NOP56: variants seen among roughly 807,000 people sequenced by gnomAD.
NOP56 encodes the protein nucleolar protein 56.
Under a neutral mutation model 58.3 loss-of-function variants are expected in NOP56, and 31 were observed. That is an observed-to-expected ratio of 0.53 (90% CI 0.40 to 0.72). The LOEUF is 0.72. Ranked by LOEUF, NOP56 falls within the 30% of genes least tolerant of loss-of-function variation. The probability of loss-of-function intolerance (pLI) is 0.00; values close to 1 mark genes in which losing one functional copy is unlikely to be tolerated. For synonymous variants in NOP56, 313 were observed against 282.8 expected, an observed-to-expected ratio of 1.11 and a Z score of -1.07; for missense variants, 669 against 739.9, an observed-to-expected ratio of 0.90 and a Z score of 1.11.
intron 10 of NOP56, 27 bp downstream of exon 10, chr20:2,656,922 G>A (rs763153628): frequency 1.2e-6 from 2 of 1,614,108 alleles, no homozygotes; most frequent in Non-Finnish European, 1.7e-6. Flanking sequence ...TGGGTGTGGA[G>A]TGGCATAGCT....
intron 8 of NOP56, 165 bp downstream of exon 8, chr20:2,656,199 G>C (rs1455338089): frequency 2.5e-6 from 4 of 1,605,694 alleles, no homozygotes; most frequent in African/African-American, 1.3e-5. Flanking sequence ...GCCCAGCAAA[G>C]GGACCAAGTT....
At chr20:2,654,220 A>C (rs1393508971) in intron 3 of NOP56, 194 bp from the exon 4 acceptor site, 1 of 765,674 alleles carries the variant, frequency 1.3e-6, no homozygotes, top group Admixed American at 1.7e-5. Flanking sequence ...CTTTGCAGTG[A>C]TGACTTGCGA....
rs188054554 is a variant in NOP56 at position 2,656,576 on chromosome 20, G to A, written c.1159+27G>A. On this transcript the variant is annotated intron_variant, in intron 9 of 11. Transcript: ENST00000329276. The stretch of plus-strand genomic sequence containing the variant: ...TATGGGTGGGGGGGCGTTGGCAGGT[G>A]TGAGAAGGGGCTGGGTGGCTGGGTG... 774 of 1,611,870 alleles carry A rather than the reference G, an allele frequency of 4.8e-4. 5 individuals are homozygous for A. The East Asian group carries it at 0.015, about 32-fold the overall frequency.
chr20:2,654,557 A>G lies in NOP56; in HGVS notation c.352A>G (p.Ile118Val). ...LGYNCQTGGV[I>V]AEILRGVRLH... is the part of the protein sequence containing the mutation. ...GTACAACTGCCAGACTGGAGGAGTC[A>G]TAGCTGAGATCCTGCGAGGTGAGAC... The change falls in exon 4 of 12, where the codon ATA (isoleucine) becomes GTA (valine). Residue 118 changes from isoleucine (I) to valine (V), a missense_variant. Ile to Val is a conservative substitution (Grantham distance 29, BLOSUM62 3). Coordinates refer to ENST00000329276, the MANE Select transcript of NOP56 (RefSeq NM_006392.4). The G allele has an allele frequency of 1.9e-6, 3 of 1,614,214 alleles. No individual in the cohort carries two copies. The highest frequency in any genetic ancestry group is 2.5e-6 in the Non-Finnish European group (3 of 1,180,036).
intron 3 of NOP56, 144 bp from the exon 4 acceptor site, chr20:2,654,270 T>A (rs1467687150): frequency 8.1e-6 from 7 of 862,380 alleles, no homozygotes; most frequent in Non-Finnish European, 8.0e-6. Flanking sequence ...CACTGATGTC[T>A]CCATGTCTCT....
At chr20:2,654,359 G>A (rs1340134299) in intron 3 of NOP56, 55 bp from the exon 4 acceptor site, 14 of 1,603,322 alleles carry the variant, frequency 8.7e-6, no homozygotes, top group Non-Finnish European at 1.1e-5. Flanking sequence ...GCTGAGGGAT[G>A]TTAGAGTTGA....
chr20:2,654,052 G>A (rs73576050), intron 3 of NOP56: 4 of 433,754 alleles, frequency 9.2e-6, no homozygotes, highest in Admixed American at 2.5e-5. Flanking sequence ...CTTTCTGTTC[G>A]ATTGGAAAGG....
chr20:2,655,064 G>T (rs1182647195), intron 5 of NOP56, 117 bp downstream of exon 5: 2 of 1,295,042 alleles, frequency 1.5e-6, no homozygotes, highest in African/African-American at 2.9e-5. Flanking sequence ...GGGGCTGGGT[G>T]TAGGCCTCCT....
chr20:2,658,272 A>G lies in NOP56; in HGVS notation c.1763A>G (p.His588Arg), dbSNP rs1568545131. ...AGCTCCAAGAAGAAGAAAAAGTTCC[A>G]TAAAGCATCCCAGGAAGATTAGAAT... is the stretch of plus-strand genomic sequence containing the variant. ...KSSSKKKKKFHKASQED is the reference protein window; with the variant it reads ...KSSSKKKKKFRKASQED Residue 588 changes from histidine (H) to arginine (R), a missense_variant, in exon 12 of 12, where the codon CAT becomes CGT. Transcript: ENST00000329276. The G allele has an allele frequency of 6.3e-7, 1 of 1,595,780 alleles. No homozygotes were observed. Among genetic ancestry groups the G allele is most frequent in the Non-Finnish European group, 8.5e-7 (1 of 1,171,282 alleles).
chr20:2,656,739 T>TA, intron 9 of NOP56, 35 bp from the exon 10 acceptor site: 2 of 1,614,156 alleles, frequency 1.2e-6, no homozygotes, highest in Non-Finnish European at 1.7e-6. Flanking sequence ...TTTCTCTCTT[T>TA]GGGCTGACAG....
At chr20:2,653,793 A>G in intron 3 of NOP56, 1 of 254,290 alleles carries the variant, frequency 3.9e-6, no homozygotes, top group Non-Finnish European at 7.9e-6. Flanking sequence ...CTGGGATTAC[A>G]GGCCTGTGCC....
intron 8 of NOP56, 158 bp from the exon 9 acceptor site, chr20:2,656,243 C>A (rs1419875622): frequency 6.2e-7 from 1 of 1,604,822 alleles, no homozygotes; most frequent in Non-Finnish European, 8.5e-7. Context: ...CTTCCCTCTG[C>A]CTCTGGGAGC....
Position 2,655,516 on chromosome 20 carries a change from A to C in NOP56, c.757+4A>C. ...GATGCCTCACGGTCCTCCATGGGTC[A>C]GTGCAGAGCCTGGCAACCTGCATAA... On this transcript the variant is annotated splice_donor_region_variant and intron_variant, in intron 6 of 11. Transcript: ENST00000329276. The C allele has an allele frequency of 1.2e-6, 2 of 1,614,126 alleles. No individual in the cohort carries two copies. Among genetic ancestry groups the C allele is most frequent in the Non-Finnish European group, 1.7e-6 (2 of 1,179,970 alleles).
chr20:2,654,981 C>G, intron 5 of NOP56, 34 bp downstream of exon 5: 1 of 1,610,732 alleles, frequency 6.2e-7, no homozygotes. Flanking sequence ...ATACTGGAGC[C>G]TTTGGTCTGT....
chr20:2,656,947 A>T (rs1339519531), intron 10 of NOP56, 52 bp downstream of exon 10: 1 of 1,613,946 alleles, frequency 6.2e-7, no homozygotes. Flanking sequence ...GTTGGAGGTG[A>T]TGAACTGTCT....
intron 9 of NOP56, 68 bp downstream of exon 9, chr20:2,656,617 A>G (rs1486119253): frequency 2.5e-6 from 4 of 1,607,474 alleles, no homozygotes; most frequent in East Asian, 2.2e-5. Context: ...GCTTGCAACC[A>G]TAGCTTCCAC....
At chr20:2,655,187 G>C (rs549513159) in intron 5 of NOP56, 138 bp from the exon 6 acceptor site, 1 of 1,215,900 alleles carries the variant, frequency 8.2e-7, no homozygotes, top group Non-Finnish European at 1.2e-6. Flanking sequence ...TATTGTGAAT[G>C]GGGGAACATA....
chr20:2,655,112 T>C (rs763222143), intron 5 of NOP56, 165 bp downstream of exon 5: 1 of 1,067,124 alleles, frequency 9.4e-7, no homozygotes. Context: ...ACTGACTGTA[T>C]AGAAAGAGGA....
chr20:2,658,065 G>A lies in NOP56; in HGVS notation c.1556G>A (p.Ser519Asn), dbSNP rs772613510. 4.1e-5 allele frequency: 66 copies of A among 1,613,828 alleles called. No homozygotes were observed. The Admixed American group carries it at 8.7e-4, about 21-fold the overall frequency. ...TCTTTTTCCAAGGAGGAGTTGATGA[G>A]TAGCGATCTTGAAGAGACCGCTGGC... ...KKSFSKEELMSSDLEETAGST... is the reference protein window; with the variant it reads ...KKSFSKEELMNSDLEETAGST... Residue 519 changes from serine (S) to asparagine (N), a missense_variant, in exon 12 of 12, where the codon AGT becomes AAT. Around this residue, in one of 3 missense-constraint regions of NOP56, gnomAD observed 209 missense variants for 196.2 expected, o/e 1.07. Coordinates refer to ENST00000329276, the MANE Select transcript of NOP56 (RefSeq NM_006392.4).
Sources: allele counts gnomAD v4.1 joint callset, GRCh38; gene constraint gnomAD v4.1.1; regional missense constraint gnomAD v4.1.1; transcripts MANE v1.5; gene names NCBI Gene and HGNC (gene_info 2026-07-23, HGNC 2026-07-21).